Variants in LARGE1 observed in about 807,000 individuals in gnomAD.
LARGE1 encodes xylosyl- and glucuronyltransferase LARGE1.
Under a neutral mutation model 87.6 loss-of-function variants are expected in LARGE1, and 43 were observed. The ratio of observed to expected loss-of-function variants is 0.49; its 90% CI spans 0.38 to 0.63. The LOEUF is 0.63. Ranked by LOEUF, LARGE1 falls within the 30% of genes least tolerant of loss-of-function variation. The pLI, the probability that LARGE1 is intolerant of heterozygous loss-of-function variation, is 0.00. For synonymous variants in LARGE1, 434 were observed against 394.6 expected, an observed-to-expected ratio of 1.10 and a Z score of -1.18; for missense variants, 802 against 1,000.2, an observed-to-expected ratio of 0.80 and a Z score of 2.67.
chr22:33,501,119 T>C (rs2070410591), intron 6 of LARGE1, among the ~76,000 whole-genome samples: 1 of 152,094 alleles, frequency 6.6e-6, no homozygotes, highest in Non-Finnish European at 1.5e-5. Flanking sequence ...TCCAGGGCTG[T>C]ATTTGAGAGG....
chr22:33,112,572 G>C, the LARGE1 span, among the ~76,000 whole-genome samples: 1 of 152,334 alleles, frequency 6.6e-6, no homozygotes, highest in East Asian at 1.9e-4. Context: ...GTGAGTGCCA[G>C]AAAAGGCCCT....
At chr22:33,326,627 A>G (rs1406232996) in intron 10 of LARGE1, among the ~76,000 whole-genome samples, 1 of 152,226 alleles carries the variant, frequency 6.6e-6, no homozygotes, top group Non-Finnish European at 1.5e-5. Context: ...GGGATTTCAC[A>G]TGAGGCAGCC....
chr22:33,513,892 T>C (rs533581634), intron 6 of LARGE1, among the ~76,000 whole-genome samples: 2 of 150,960 alleles, frequency 1.3e-5, no homozygotes, highest in South Asian at 4.2e-4. Flanking sequence ...ACAGACAGTA[T>C]AGTGTTGTGG....
At chr22:33,224,780 T>C (rs1925647889) in intron 11 of LARGE1, among the ~76,000 whole-genome samples, 1 of 152,178 alleles carries the variant, frequency 6.6e-6, no homozygotes, top group African/African-American at 2.4e-5. Flanking sequence ...TGCTGGTGTC[T>C]AGAAGAACAA....
the LARGE1 span, among the ~76,000 whole-genome samples, chr22:33,151,309 T>C: frequency 4.1e-3 from 628 of 152,350 alleles, 7 homozygotes; most frequent in African/African-American, 0.014. Context: ...CCTTGTATCC[T>C]GTGACCTTGC....
intron 6 of LARGE1, among the ~76,000 whole-genome samples, chr22:33,448,966 A>G (rs2067801054): frequency 6.6e-6 from 1 of 152,188 alleles, no homozygotes; most frequent in Non-Finnish European, 1.5e-5. Context: ...AGTTGAGCTT[A>G]TTCTAGAATT....
intron 6 of LARGE1, among the ~76,000 whole-genome samples, chr22:33,498,194 A>G (rs1050772208): frequency 6.6e-6 from 1 of 151,740 alleles, no homozygotes; most frequent in African/African-American, 2.4e-5. Context: ...AGGGGTGTTT[A>G]TTTTTCCAAT....
At chr22:33,802,018 T>C (rs1324225894) in intron 1 of LARGE1, among the ~76,000 whole-genome samples, 1 of 148,414 alleles carries the variant, frequency 6.7e-6, no homozygotes, top group Non-Finnish European at 1.5e-5. Flanking sequence ...AAAAAATGCC[T>C]GATAACTAAC....
intron 13 of LARGE1, among the ~76,000 whole-genome samples, chr22:33,282,277 G>A (rs989777272): frequency 1.3e-5 from 2 of 152,174 alleles, no homozygotes; most frequent in South Asian, 2.1e-4. Context: ...CCCAGGAGGC[G>A]GAGGTCGCAG....
chr22:33,091,474 G>A, the LARGE1 span, among the ~76,000 whole-genome samples: 1 of 152,132 alleles, frequency 6.6e-6, no homozygotes, highest in Admixed American at 6.6e-5. Context: ...GCAGGAAAAT[G>A]GCTTGAAGCC....
chr22:33,529,545 A>T (rs1336720075), intron 6 of LARGE1, among the ~76,000 whole-genome samples: 6 of 152,222 alleles, frequency 3.9e-5, no homozygotes, highest in Non-Finnish European at 8.8e-5. Context: ...TGCCAAAAGG[A>T]AAGATGACGA....
At chr22:33,475,570 TC>T (rs756059286) in intron 6 of LARGE1, among the ~76,000 whole-genome samples, 26 of 151,978 alleles carry the variant, frequency 1.7e-4, no homozygotes, top group Admixed American at 3.9e-4. Context: ...CAGGGGATTC[TC>T]CTGCCTCAGC....
intron 12 of LARGE1, among the ~76,000 whole-genome samples, chr22:33,298,369 C>T (rs1055304136): frequency 6.6e-6 from 1 of 152,232 alleles, no homozygotes; most frequent in Non-Finnish European, 1.5e-5. Context: ...AAGAATGTTT[C>T]GGGCATTCCT....
chr22:33,586,865 A>C (rs2078692520), intron 5 of LARGE1, among the ~76,000 whole-genome samples: 1 of 152,228 alleles, frequency 6.6e-6, no homozygotes, highest in East Asian at 1.9e-4. Flanking sequence ...TATAGTTTTA[A>C]AAATTGTGCT....
At chr22:33,906,837 C>T (rs2065470557) in intron 1 of LARGE1, among the ~76,000 whole-genome samples, 1 of 151,962 alleles carries the variant, frequency 6.6e-6, no homozygotes. Context: ...CCTGGTTAAC[C>T]AAGCACAATT....
At chr22:33,177,401 TTTAA>T (rs1922934523) in intron 11 of LARGE1, among the ~76,000 whole-genome samples, 1 of 152,198 alleles carries the variant, frequency 6.6e-6, no homozygotes, top group African/African-American at 2.4e-5. Context: ...CATTTATTCT[TTTAA>T]TTATTCATTT....
the LARGE1 span, among the ~76,000 whole-genome samples, chr22:33,072,713 C>G: frequency 6.6e-6 from 1 of 152,228 alleles, no homozygotes; most frequent in Middle Eastern, 3.4e-3. Flanking sequence ...GAGCACTTCT[C>G]AGCTTGGCAC....
Position 33,741,586 on chromosome 22 carries a change from G to A in LARGE1, c.106+19785C>T, listed in dbSNP as rs538691090. Among the ~76,000 whole-genome samples the A allele has an allele frequency of 1.4e-4, 21 of 152,334 alleles. 1 individual carries two copies. The South Asian group carries it at 3.3e-3, about 24-fold the overall frequency. On this transcript the variant is annotated intron_variant, in intron 2 of 14. Coordinates refer to ENST00000397394, the MANE Select transcript of LARGE1 (RefSeq NM_133642.5). ...GGAGCCAACAACTGCACCCAACACC[G>A]CTGGGCTTGGAGTTGCGAGAAGAGC...
chr22:33,823,146 T>C (rs772485677), intron 1 of LARGE1, among the ~76,000 whole-genome samples: 3 of 152,204 alleles, frequency 2.0e-5, no homozygotes, highest in Admixed American at 2.0e-4. Context: ...AAATGATGTA[T>C]TAAAAAAGAA....
Sources: allele counts gnomAD v4.1 joint callset (sites outside exome capture counted in the v4.1 genomes callset), GRCh38; gene constraint gnomAD v4.1.1; transcripts MANE v1.5; gene names NCBI Gene and HGNC (gene_info 2026-07-23, HGNC 2026-07-21).